Variants in NCOA2 observed in about 807,000 individuals in gnomAD.
The protein encoded by NCOA2 is class E basic helix-loop-helix protein 75.
A neutral mutation model predicts 145.1 loss-of-function variants in NCOA2; 21 were observed. The ratio of observed to expected loss-of-function variants is 0.14; its 90% confidence interval spans 0.10 to 0.21. The LOEUF (loss-of-function observed/expected upper bound fraction) is 0.21. Among genes scored for constraint, NCOA2 ranks in the 10% least tolerant of loss-of-function variants. NCOA2 has a pLI of 1.00. For missense variants in NCOA2, 1,472 were observed against 1,837.6 expected (o/e 0.80, Z 3.64); for synonymous variants, 619 against 637.5 (o/e 0.97, Z 0.44).
chr8:70,199,164 G>A (rs957974422), intron 4 of NCOA2, among the ~76,000 whole-genome samples: 2 of 152,068 alleles, frequency 1.3e-5, no homozygotes, highest in Non-Finnish European at 2.9e-5. Context: ...AAAGTAGAAA[G>A]GGGTGAGGTG....
At chr8:70,289,058 A>G (rs903598880) in intron 2 of NCOA2, among the ~76,000 whole-genome samples, 2 of 152,240 alleles carry the variant, frequency 1.3e-5, no homozygotes, top group African/African-American at 4.8e-5. Flanking sequence ...AGAATTTTAT[A>G]TTTCTATTCT....
At chr8:70,153,941 C>T (rs1036544553) in intron 11 of NCOA2, among the ~76,000 whole-genome samples, 2 of 152,104 alleles carry the variant, frequency 1.3e-5, no homozygotes, top group Non-Finnish European at 2.9e-5. Flanking sequence ...AAATTGTATC[C>T]GACCTTTAGG....
At chr8:70,339,910 C>A (rs1198534315) in intron 1 of NCOA2, among the ~76,000 whole-genome samples, 1 of 152,176 alleles carries the variant, frequency 6.6e-6, no homozygotes, top group East Asian at 1.9e-4. Flanking sequence ...AAAGTGGACC[C>A]CTTCCTTACA....
chr8:70,438,569 A>G, the NCOA2 span, among the ~76,000 whole-genome samples: 2 of 152,162 alleles, frequency 1.3e-5, no homozygotes, highest in Admixed American at 6.5e-5. Context: ...TACTTGATTT[A>G]TTGGGTTTGG....
intron 1 of NCOA2, among the ~76,000 whole-genome samples, chr8:70,314,128 C>T (rs144152558): frequency 0.029 from 3,823 of 130,896 alleles, 163 homozygotes; most frequent in African/African-American, 0.1. Context: ...TGCAGTGAGC[C>T]GAGATCACGC....
At chr8:70,440,497 C>T in the NCOA2 span, among the ~76,000 whole-genome samples, 1 of 152,098 alleles carries the variant, frequency 6.6e-6, no homozygotes, top group Non-Finnish European at 1.5e-5. Flanking sequence ...TTGCTTGAAC[C>T]TGGGAGGCAG....
chr8:70,207,884 A>AAAAAAAG (rs1554593967), intron 4 of NCOA2, among the ~76,000 whole-genome samples: 28 of 144,208 alleles, frequency 1.9e-4, no homozygotes, highest in Non-Finnish European at 3.2e-4. Context: ...AAAAAAAAAA[A>AAAAAAAG]AAGAAGAAGA....
chr8:70,408,889 G>A, the NCOA2 span, among the ~76,000 whole-genome samples: 1 of 150,268 alleles, frequency 6.7e-6, no homozygotes, highest in East Asian at 2.0e-4. Context: ...AAGCCTTCCA[G>A]AGTGTTAGGA....
chr8:70,352,387 A>C (rs1011711521), intron 1 of NCOA2, among the ~76,000 whole-genome samples: 1 of 152,214 alleles, frequency 6.6e-6, no homozygotes, highest in African/African-American at 2.4e-5. Flanking sequence ...CTCTTCCATC[A>C]TGCACACTGA....
At chr8:70,455,672 C>CG in the NCOA2 span, among the ~76,000 whole-genome samples, 1 of 148,754 alleles carries the variant, frequency 6.7e-6, no homozygotes, top group African/African-American at 2.5e-5. Flanking sequence ...GCGAGTCCTT[C>CG]ATTTTTTTTT....
intron 1 of NCOA2, among the ~76,000 whole-genome samples, chr8:70,345,393 CA>C (rs2136556484): frequency 6.6e-6 from 1 of 152,320 alleles, no homozygotes; most frequent in South Asian, 2.1e-4. Context: ...CACATCCACT[CA>C]ACAACTGACC....
chr8:70,192,964 G>A (rs1422223709), intron 4 of NCOA2, among the ~76,000 whole-genome samples: 1 of 151,576 alleles, frequency 6.6e-6, no homozygotes, highest in Admixed American at 6.6e-5. Context: ...CTACTCAGGA[G>A]GCTGAGGCAG....
chr8:70,142,663 C>T (rs984380670), intron 13 of NCOA2, among the ~76,000 whole-genome samples: 12 of 152,108 alleles, frequency 7.9e-5, no homozygotes, highest in African/African-American at 2.9e-4. Flanking sequence ...TGAGCCACTG[C>T]ACTCCAGCCT....
At chr8:70,221,234 A>T (rs1820107682) in intron 2 of NCOA2, among the ~76,000 whole-genome samples, 1 of 152,206 alleles carries the variant, frequency 6.6e-6, no homozygotes. Context: ...GTATACATAA[A>T]ACCTCACTTA....
In NCOA2 at chr8:70,380,727, T is replaced by A. The variant is rs571519860; in HGVS notation, c.-77+22973A>T. Among the ~76,000 whole-genome samples the A allele has an allele frequency of 1.2e-4, 18 of 152,110 alleles. No homozygotes were observed. The South Asian group carries it at 3.7e-3, about 32-fold the overall frequency. ...AGGACTATACAGCCCAAAATTTTGT[T>A]CGAGTGAGCATTTGTTAATTCATAT... On this transcript the variant is annotated intron_variant, in intron 1 of 22. Coordinates refer to ENST00000452400, the MANE Select transcript of NCOA2 (RefSeq NM_006540.4).
intron 1 of NCOA2, among the ~76,000 whole-genome samples, chr8:70,381,589 G>A (rs1288775127): frequency 1.3e-5 from 2 of 152,186 alleles, no homozygotes; most frequent in Non-Finnish European, 2.9e-5. Context: ...AATTGGGATT[G>A]TTGTAGTGAC....
At chr8:70,159,242 A>ATATATATATATATATATATTT in intron 10 of NCOA2, among the ~76,000 whole-genome samples, 5 of 61,074 alleles carry the variant, frequency 8.2e-5, no homozygotes, top group Middle Eastern at 8.3e-3. Flanking sequence ...ATATATATAT[A>ATATATATATATATATATATTT]TTTTTTTTTT....
chr8:70,159,236 A>G lies in NCOA2; in HGVS notation c.1124+269T>C, dbSNP rs5026348. Among the ~76,000 whole-genome samples, 69 of 16,048 alleles carry G rather than the reference A, an allele frequency of 4.3e-3. 3 individuals carry two copies. The highest frequency in any genetic ancestry group is 7.1e-3 in the Admixed American group (7 of 984). 10.5% of individuals were successfully genotyped at this position (16,048 alleles called of 152,430 possible). A position where few individuals can be genotyped will look rare whatever the true frequency, so the allele number is the denominator to read the frequency against. ...ACAGTATAACATTATATATATATAT[A>G]TATATATTTTTTTTTTTTTCCCCCA... is the stretch of plus-strand genomic sequence containing the variant. On this transcript the variant is annotated intron_variant, in intron 10 of 22. Coordinates refer to ENST00000452400, the MANE Select transcript of NCOA2 (RefSeq NM_006540.4).
intron 1 of NCOA2, among the ~76,000 whole-genome samples, chr8:70,341,082 G>GAAAA (rs3085558): frequency 2.9e-5 from 3 of 105,070 alleles, no homozygotes; most frequent in African/African-American, 9.6e-5. Flanking sequence ...TTAAAAAGTT[G>GAAAA]AAAAAAAAAA....
Sources: allele counts gnomAD v4.1 joint callset (sites outside exome capture counted in the v4.1 genomes callset), GRCh38; gene constraint gnomAD v4.1.1; transcripts MANE v1.5; gene names NCBI Gene and HGNC (gene_info 2026-07-23, HGNC 2026-07-21).